USH2A: variants seen among roughly 807,000 people sequenced by gnomAD.
The protein encoded by USH2A is Usher syndrome 2A (autosomal recessive, mild).
USH2A carries 443 observed loss-of-function variants against 538.9 expected under a neutral mutation model. The ratio of observed to expected loss-of-function variants is 0.82; its 90% CI spans 0.76 to 0.89. USH2A has a LOEUF of 0.89. USH2A is among the 40% of genes least tolerant of loss of function. The pLI is 0.00. For missense variants in USH2A, 6,633 were observed against 6,324.8 expected, an observed-to-expected ratio of 1.05 and a Z score of -1.65; for synonymous variants, 2,413 against 2,273.5, an observed-to-expected ratio of 1.06 and a Z score of -1.75.
At chr1:216,280,967 A>T (rs1250479835) in intron 11 of USH2A, among the ~76,000 whole-genome samples, 1 of 152,144 alleles carries the variant, frequency 6.6e-6, no homozygotes, top group African/African-American at 2.4e-5. Flanking sequence ...CTTGAATTCA[A>T]TTTTGCAGTT....
In USH2A at chr1:216,376,720, A is replaced by G. The variant is rs555702591; in HGVS notation, c.652-11635T>C. ...AAAGTATACCAAGAGATGTGAACTC[A>G]CTGCTGACCCCAAGTCAGAAGGGCC... On this transcript the variant is annotated intron_variant, in intron 3 of 71. Transcript: ENST00000307340. Among the ~76,000 whole-genome samples the G allele has an allele frequency of 1.8e-3, 272 of 152,288 alleles. 2 individuals carry two copies. Among genetic ancestry groups the G allele is most frequent in the African/African-American group, 6.3e-3 (260 of 41,584 alleles).
chr1:216,412,774 C>T (rs2039511204), intron 3 of USH2A, among the ~76,000 whole-genome samples: 1 of 151,248 alleles, frequency 6.6e-6, no homozygotes, highest in South Asian at 2.1e-4. Flanking sequence ...GACCCATGTT[C>T]ATGGCAAGTT....
At chr1:215,936,237 T>C (rs1362579078) in intron 37 of USH2A, among the ~76,000 whole-genome samples, 1 of 152,050 alleles carries the variant, frequency 6.6e-6, no homozygotes, top group Non-Finnish European at 1.5e-5. Flanking sequence ...ATAATCTTTA[T>C]TGAACAAATG....
chr1:216,072,526 A>G (rs2031590127), intron 29 of USH2A: 1 of 327,518 alleles, frequency 3.1e-6, no homozygotes, highest in South Asian at 2.7e-5. Context: ...CCAGCCAAGG[A>G]TAATCCTAAT....
Position 216,217,430 on chromosome 1 carries a change from A to G in USH2A, c.3114T>C (p.Ser1038=). 6.2e-7 allele frequency: 1 copy of G among 1,613,274 alleles called. No individual in the cohort carries two copies. Among genetic ancestry groups the G allele is most frequent in the African/African-American group, 1.3e-5 (1 of 74,998 alleles). ...TGSKCDACVP[S]ASHLDVNNLL... is the part of the protein sequence containing the mutation. ...GATTGTTGACATCCAAGTGGCTTGCACTGGGAACACAAGCATCACACTTTG... is the reference window on the plus strand; with the variant it reads ...GATTGTTGACATCCAAGTGGCTTGCGCTGGGAACACAAGCATCACACTTTG... The change falls in exon 15 of 72, where the codon AGT becomes AGC. Residue 1038 remains serine, a synonymous_variant. Transcript: ENST00000307340.
chr1:215,884,284 A>T (rs1664992558), intron 41 of USH2A, among the ~76,000 whole-genome samples: 1 of 152,232 alleles, frequency 6.6e-6, no homozygotes, highest in Non-Finnish European at 1.5e-5. Flanking sequence ...CAAACAAAAA[A>T]CATCGGCATT....
chr1:216,261,504 G>C (rs768689733), intron 11 of USH2A, among the ~76,000 whole-genome samples: 1 of 145,826 alleles, frequency 6.9e-6, no homozygotes, highest in Non-Finnish European at 1.5e-5. Context: ...AGAAGAGAAA[G>C]ATAAGAAAAT....
intron 11 of USH2A, among the ~76,000 whole-genome samples, chr1:216,280,823 A>G (rs1427003461): frequency 6.6e-6 from 1 of 152,234 alleles, no homozygotes; most frequent in African/African-American, 2.4e-5. Context: ...CGCACGACAC[A>G]GTCACTCAGG....
intron 59 of USH2A, among the ~76,000 whole-genome samples, chr1:215,742,487 A>C (rs1660334347): frequency 6.6e-6 from 1 of 152,058 alleles, no homozygotes; most frequent in South Asian, 2.1e-4. Context: ...ACACATATAT[A>C]ACATATCCAT....
rs397517977 is a variant in USH2A at position 215,680,377 on chromosome 1, C to T, written c.12067-1G>A. ...ACAGGTGGGCTTGATGGCTTGTTCCCTGTAAGAAAATTAACAGGTTAAGTT... is the reference window on the plus strand; with the variant it reads ...ACAGGTGGGCTTGATGGCTTGTTCCTTGTAAGAAAATTAACAGGTTAAGTT... On this transcript the variant is annotated splice_acceptor_variant, in intron 61 of 71. Transcript: ENST00000307340. LOFTEE classifies it high-confidence loss of function. The T allele has an allele frequency of 5.6e-6, 9 of 1,609,774 alleles. No individual in the cohort carries two copies. The highest frequency in any genetic ancestry group is 1.7e-5 in the Admixed American group (1 of 59,140).
Position 215,739,009 on chromosome 1 carries a change from G to A in USH2A, c.11711+2366C>T, listed in dbSNP as rs1347070141. 2.6e-5 allele frequency among the ~76,000 whole-genome samples: 4 copies of A among 152,122 alleles called. No individual in the cohort carries two copies. In the South Asian group the frequency reaches 8.3e-4, roughly 32 times the overall value. On this transcript the variant is annotated intron_variant, in intron 60 of 71. Coordinates refer to ENST00000307340, the MANE Select transcript of USH2A (RefSeq NM_206933.4). ...AAAATTTGATATTGTTGTTGTCTAA[G>A]CACATTTAAACTTCAGTTGAAATAA...
At chr1:215,648,430 C>A (rs1326604376) in intron 66 of USH2A, 98 bp downstream of exon 66, 3 of 1,287,136 alleles carry the variant, frequency 2.3e-6, no homozygotes, top group Non-Finnish European at 3.4e-6. Context: ...GGTAGCTATA[C>A]AGGTTTGTAG....
intron 21 of USH2A, among the ~76,000 whole-genome samples, chr1:216,152,712 G>A (rs2102621472): frequency 6.6e-6 from 1 of 152,280 alleles, no homozygotes; most frequent in Middle Eastern, 3.4e-3. Flanking sequence ...CAGGGAACAA[G>A]TCTACTGGTG....
intron 38 of USH2A, among the ~76,000 whole-genome samples, chr1:215,933,807 C>T (rs1666423475): frequency 6.6e-6 from 1 of 151,892 alleles, no homozygotes; most frequent in Non-Finnish European, 1.5e-5. Context: ...GGTCCTTTGC[C>T]TTCAGGATTT....
intron 3 of USH2A, among the ~76,000 whole-genome samples, chr1:216,373,148 G>A (rs769820421): frequency 5.9e-5 from 9 of 152,258 alleles, no homozygotes; most frequent in Non-Finnish European, 8.8e-5. Flanking sequence ...TATGCTAAGT[G>A]TGATGCTACA....
intron 21 of USH2A, among the ~76,000 whole-genome samples, chr1:216,149,592 T>C (rs1029180768): frequency 2.0e-5 from 3 of 152,014 alleles, no homozygotes; most frequent in Non-Finnish European, 4.4e-5. Flanking sequence ...ATTTGAACTT[T>C]TATATGGACG....
At position 215,671,214 on chromosome 1, in the gene USH2A, C is replaced by T. The variant is rs749037244; in HGVS notation, c.13891G>A (p.Ala4631Thr). 2.5e-6 allele frequency: 4 copies of T among 1,613,996 alleles called. No individual in the cohort carries two copies. Among genetic ancestry groups the T allele is most frequent in the Non-Finnish European group, 1.7e-6 (2 of 1,180,018 alleles). ...TGTGGAGGGGGTTGCATCAAAGGTG[C>T]AATCTCAGGGGTCTGTATGAATGTC... ...DWTFIQTPEI[A>T]PLMQPPPHLE... The change falls in exon 64 of 72, where the codon GCA becomes ACA. Residue 4631 changes from alanine to threonine, a missense_variant. By Grantham distance (58) the Ala-to-Thr change is moderately conservative. Transcript: ENST00000307340.
At chr1:215,832,695 G>A (rs1373933353) in intron 47 of USH2A, among the ~76,000 whole-genome samples, 1 of 152,040 alleles carries the variant, frequency 6.6e-6, no homozygotes, top group East Asian at 1.9e-4. Context: ...TTGGGAACAA[G>A]TCAAGGATAT....
At chr1:216,276,869 GC>G (rs898056831) in intron 11 of USH2A, among the ~76,000 whole-genome samples, 2 of 152,074 alleles carry the variant, frequency 1.3e-5, no homozygotes, top group Non-Finnish European at 2.9e-5. Flanking sequence ...CCACCAGGTT[GC>G]TCCCACAACA....
Sources: gnomAD v4.1 joint callset for allele counts (sites outside exome capture counted in the v4.1 genomes callset) on GRCh38, gnomAD v4.1.1 for gene constraint, MANE v1.5 for transcripts, NCBI Gene and HGNC (gene_info 2026-07-23, HGNC 2026-07-21) for gene names.